The following CCDC85C variants were observed in gnomAD, a reference collection of about 807,000 sequenced individuals.
CCDC85C encodes coiled-coil domain-containing protein 85C.
A neutral mutation model predicts 38.3 loss-of-function variants in CCDC85C; 18 were observed. That is an observed-to-expected ratio of 0.47 (90% CI 0.33 to 0.70). CCDC85C has a LOEUF of 0.70. Ranked by LOEUF, CCDC85C falls within the 30% of genes least tolerant of loss-of-function variation. The pLI is 0.03. For missense variants in CCDC85C, 566 were observed against 621.2 expected (o/e 0.91, Z 0.94); for synonymous variants, 264 against 293.8 (o/e 0.90, Z 1.04).
intron 1 of CCDC85C, among the ~76,000 whole-genome samples, chr14:99,584,127 A>C (rs1476333886): frequency 6.6e-6 from 1 of 152,184 alleles, no homozygotes; most frequent in Non-Finnish European, 1.5e-5. Flanking sequence ...TGCTGGGCTC[A>C]AGAAATCCTC....
In CCDC85C at chr14:99,510,050, C is replaced by T; in HGVS notation, c.*5196G>A. ...TGCGTTGGGCCACAGAGGAGGCGGGCAGCTGCTCCCTGCTCCTCTGTAAAG... is the reference window on the plus strand; with the variant it reads ...TGCGTTGGGCCACAGAGGAGGCGGGTAGCTGCTCCCTGCTCCTCTGTAAAG... On this transcript the variant is annotated 3_prime_UTR_variant, in exon 6 of 6. Transcript: ENST00000380243. 1 of 1,128,608 alleles carries T rather than the reference C, an allele frequency of 8.9e-7. No homozygotes were observed. Among genetic ancestry groups the T allele is most frequent in the African/African-American group, 1.6e-5 (1 of 63,936 alleles). 69.9% of individuals were successfully genotyped at this position (1,128,608 alleles called of 1,614,324 possible). A position where few individuals can be genotyped will look rare whatever the true frequency, so the allele number is the denominator to read the frequency against.
intron 1 of CCDC85C, among the ~76,000 whole-genome samples, chr14:99,552,010 AG>A (rs1897921592): frequency 1.3e-5 from 2 of 152,278 alleles, no homozygotes; most frequent in South Asian, 4.1e-4. Context: ...GGCTAAGAGG[AG>A]GCCAAGGAGG....
At position 99,504,840 on chromosome 14, in the gene CCDC85C, T is replaced by C. The variant is rs1378928992; in HGVS notation, c.*10406A>G. ...ACACTCCATGCCACATGAAATGCAA[T>C]TGAGTTGACGTGCAGGTCTGTCAGA... is the stretch of plus-strand genomic sequence containing the variant. On this transcript the variant is annotated 3_prime_UTR_variant, in exon 6 of 6. Transcript: ENST00000380243. 1 of 152,174 alleles carries C rather than the reference T, an allele frequency of 6.6e-6. No homozygotes were observed. Among genetic ancestry groups the C allele is most frequent in the East Asian group, 1.9e-4 (1 of 5,184 alleles). The allele number at this position is 152,174 out of a possible 1,614,324, so 9.4% of individuals were successfully genotyped here.
intron 1 of CCDC85C, among the ~76,000 whole-genome samples, chr14:99,575,704 G>C (rs1006848311): frequency 1.3e-5 from 2 of 152,208 alleles, no homozygotes; most frequent in Non-Finnish European, 2.9e-5. Flanking sequence ...CAGGCCATGA[G>C]GTCACCCCTC....
intron 3 of CCDC85C, among the ~76,000 whole-genome samples, chr14:99,521,457 C>T (rs1897302005): frequency 1.3e-5 from 2 of 152,174 alleles, no homozygotes; most frequent in South Asian, 2.1e-4. Context: ...CTGCTACAAG[C>T]GCACGTGCTG....
At chr14:99,537,008 C>T (rs957150198) in intron 1 of CCDC85C, among the ~76,000 whole-genome samples, 12 of 152,050 alleles carry the variant, frequency 7.9e-5, no homozygotes, top group Non-Finnish European at 2.9e-5. Context: ...GAACACAGGC[C>T]GGGGGACCAC....
intron 1 of CCDC85C, among the ~76,000 whole-genome samples, chr14:99,568,240 C>A (rs548927196): frequency 3.3e-5 from 4 of 122,718 alleles, no homozygotes; most frequent in South Asian, 2.6e-4. Flanking sequence ...CTGGAGGCCA[C>A]CTGCCCTTTA....
In CCDC85C at chr14:99,558,788, C is replaced by T. The variant is rs1378489456; in HGVS notation, c.794-22700G>A. Among the ~76,000 whole-genome samples the T allele has an allele frequency of 6.6e-6, 1 of 152,098 alleles. No homozygotes were observed. Among genetic ancestry groups the T allele is most frequent in the Non-Finnish European group, 1.5e-5 (1 of 68,020 alleles). On this transcript the variant is annotated intron_variant, in intron 1 of 5. Transcript: ENST00000380243. This position sits in a 1 kb window ranked among gnomAD's most constrained non-coding sequence, Gnocchi z 4.2. ...AGGAGTCATCAGAAGCAGGAAGAGG[C>T]AAGGAAGGTGATGTGGTTTGAATCT...
chr14:99,573,760 G>A (rs1232589853), intron 1 of CCDC85C, among the ~76,000 whole-genome samples: 1 of 152,186 alleles, frequency 6.6e-6, no homozygotes, highest in Non-Finnish European at 1.5e-5. Context: ...CTGCCTTTGG[G>A]TGGGACGGCA....
intron 1 of CCDC85C, among the ~76,000 whole-genome samples, chr14:99,582,770 C>T (rs561609978): frequency 2.6e-5 from 4 of 152,108 alleles, no homozygotes; most frequent in Admixed American, 1.3e-4. Context: ...GCTGAGATTG[C>T]GCCTCTGCAC....
At chr14:99,541,121 A>G (rs1472996811) in intron 1 of CCDC85C, among the ~76,000 whole-genome samples, 1 of 152,166 alleles carries the variant, frequency 6.6e-6, no homozygotes, top group Non-Finnish European at 1.5e-5. Context: ...TTCCTTCCCT[A>G]GCTCAGCACT....
At chr14:99,518,606 A>G (rs2139897862) in intron 3 of CCDC85C, among the ~76,000 whole-genome samples, 1 of 152,074 alleles carries the variant, frequency 6.6e-6, no homozygotes, top group South Asian at 2.1e-4. Context: ...AGGGGGCGCC[A>G]GTCGCACACA....
chr14:99,603,187 C>CTGCGGTGG lies in CCDC85C; in HGVS notation c.765_772dup (p.Ser258ThrfsTer24). ...CTTACCGTGCAGGCCGTTGGGGATG[C>CTGCGGTGG]TGCGGTGGTGCGGCGGCGCCGACAA... On this transcript the variant is annotated frameshift_variant, in exon 1 of 6. Transcript: ENST00000380243. LOFTEE classifies it high-confidence loss of function. The surrounding 1 kb of genome is among the most constrained non-coding windows in gnomAD (Gnocchi z 7.5). The CTGCGGTGG allele has an allele frequency of 7.1e-7, 1 of 1,415,518 alleles. No homozygotes were observed. The allele number at this position is 1,415,518 out of a possible 1,614,324, so 87.7% of individuals were successfully genotyped here.
chr14:99,549,661 C>T (rs751086056), intron 1 of CCDC85C, among the ~76,000 whole-genome samples: 1 of 152,196 alleles, frequency 6.6e-6, no homozygotes, highest in Non-Finnish European at 1.5e-5. Context: ...TTAGGCAGAG[C>T]GGAGTGGACC....
In CCDC85C at chr14:99,573,044, G is replaced by A. The variant is rs1438025341; in HGVS notation, c.793+30123C>T. On this transcript the variant is annotated intron_variant, in intron 1 of 5. Transcript: ENST00000380243. ...CACATAAAGGCAGAGAACAGAGCCTGGTGCTAAAAATGAGAGGGGACAAGT... is the reference window on the plus strand; with the variant it reads ...CACATAAAGGCAGAGAACAGAGCCTAGTGCTAAAAATGAGAGGGGACAAGT... 2.7e-5 allele frequency: 9 copies of A among 333,130 alleles called. No homozygotes were observed. In the Admixed American group the frequency reaches 3.4e-4, roughly 13 times the overall value. 20.6% of individuals were successfully genotyped at this position (333,130 alleles called of 1,614,324 possible).
At position 99,502,784 on chromosome 14, in the gene CCDC85C, C is replaced by G; in HGVS notation, c.*12462G>C. The stretch of plus-strand genomic sequence containing the variant: ...ACAACAGATGCCTCATCACACCCCC[C>G]ATCAGCTGCAACAGCCCCCATCTCT... On this transcript the variant is annotated 3_prime_UTR_variant, in exon 6 of 6. Coordinates refer to ENST00000380243, the MANE Select transcript of CCDC85C (RefSeq NM_001144995.2). 1 of 1,613,862 alleles carries G rather than the reference C, an allele frequency of 6.2e-7. No individual in the cohort carries two copies. The highest frequency in any genetic ancestry group is 8.5e-7 in the Non-Finnish European group (1 of 1,179,812).
Position 99,502,909 on chromosome 14 carries a change from G to A in CCDC85C, c.*12337C>T, listed in dbSNP as rs756058163. On this transcript the variant is annotated 3_prime_UTR_variant, in exon 6 of 6. Coordinates refer to ENST00000380243, the MANE Select transcript of CCDC85C (RefSeq NM_001144995.2). ...AGAAGGACCCCCAGCAACCAGCCCA[G>A]CAGCAGCAGCCAGCCCAACAGCCCA... 9.3e-6 allele frequency: 15 copies of A among 1,613,064 alleles called. No homozygotes were observed. Among genetic ancestry groups the A allele is most frequent in the Non-Finnish European group, 1.3e-5 (15 of 1,179,388 alleles).
intron 1 of CCDC85C, among the ~76,000 whole-genome samples, chr14:99,574,048 C>G (rs17641119): frequency 0.057 from 8,675 of 152,246 alleles, 334 homozygotes; most frequent in Middle Eastern, 0.12. Context: ...GATGGAATGT[C>G]CTAATTGACA....
intron 1 of CCDC85C, among the ~76,000 whole-genome samples, chr14:99,597,444 C>A (rs1008953765): frequency 2.0e-5 from 3 of 152,182 alleles, no homozygotes; most frequent in Non-Finnish European, 4.4e-5. Context: ...ATTCCCAGAG[C>A]TGTCTGGGGT....
Sources: allele counts gnomAD v4.1 joint callset (sites outside exome capture counted in the v4.1 genomes callset), GRCh38; gene constraint gnomAD v4.1.1; non-coding constraint Gnocchi (gnomAD v3.1); transcripts MANE v1.5; gene names NCBI Gene and HGNC (gene_info 2026-07-23, HGNC 2026-07-21).